CNTNAP2: variants seen among roughly 807,000 people sequenced by gnomAD.
The protein encoded by CNTNAP2 is contactin-associated protein-like 2.
CNTNAP2 carries 98 observed loss-of-function variants against 155.2 expected under a neutral mutation model. The observed-to-expected ratio is 0.63, with a 90% confidence interval of 0.54 to 0.75. The LOEUF is 0.75. Among genes scored for constraint, CNTNAP2 ranks in the 30% least tolerant of loss-of-function variants. CNTNAP2 has a pLI of 0.00. For synonymous variants in CNTNAP2, 651 were observed against 631.2 expected, an observed-to-expected ratio of 1.03 and a Z score of -0.47; for missense variants, 1,727 against 1,688.1, an observed-to-expected ratio of 1.02 and a Z score of -0.40.
intron 1 of CNTNAP2, among the ~76,000 whole-genome samples, chr7:146,583,661 T>A (rs1798645775): frequency 6.6e-6 from 1 of 152,332 alleles, no homozygotes; most frequent in South Asian, 2.1e-4. Context: ...GGTGACAAGA[T>A]TAATATAGGT....
chr7:148,236,163 C>T (rs747057854), intron 20 of CNTNAP2, among the ~76,000 whole-genome samples: 15 of 152,128 alleles, frequency 9.9e-5, no homozygotes, highest in Non-Finnish European at 1.8e-4. Context: ...GGTAAATGCA[C>T]CCTAAGCTCT....
chr7:146,257,391 G>A (rs1047812525), intron 1 of CNTNAP2, among the ~76,000 whole-genome samples: 5 of 152,050 alleles, frequency 3.3e-5, no homozygotes, highest in African/African-American at 7.2e-5. Flanking sequence ...CCCTTTCTGT[G>A]TCAGTAAGGC....
intron 15 of CNTNAP2, among the ~76,000 whole-genome samples, chr7:148,048,089 A>AT (rs1802807717): frequency 7.1e-6 from 1 of 141,364 alleles, no homozygotes; most frequent in African/African-American, 2.7e-5. Context: ...ATGCCCAGCT[A>AT]ATTTTTTTTT....
At chr7:146,153,634 T>A (rs1204603138) in intron 1 of CNTNAP2, among the ~76,000 whole-genome samples, 1 of 152,112 alleles carries the variant, frequency 6.6e-6, no homozygotes, top group Non-Finnish European at 1.5e-5. Context: ...GAGGGCCTAA[T>A]GAAGGAAAGA....
At chr7:147,382,917 G>A (rs895016740) in intron 9 of CNTNAP2, among the ~76,000 whole-genome samples, 2 of 152,158 alleles carry the variant, frequency 1.3e-5, no homozygotes, top group African/African-American at 4.8e-5. Flanking sequence ...AATACTGCCA[G>A]TTTATCTACT....
chr7:147,757,433 C>T (rs1797227049), intron 13 of CNTNAP2, among the ~76,000 whole-genome samples: 1 of 152,056 alleles, frequency 6.6e-6, no homozygotes. Flanking sequence ...GGATGGCTGC[C>T]TTCTCTGTAG....
At chr7:146,391,021 C>A (rs767553202) in intron 1 of CNTNAP2, among the ~76,000 whole-genome samples, 1 of 138,566 alleles carries the variant, frequency 7.2e-6, no homozygotes, top group South Asian at 2.2e-4. Context: ...GAGCCGAGAT[C>A]GCGCCACTGC....
intron 12 of CNTNAP2, among the ~76,000 whole-genome samples, chr7:147,605,603 G>A (rs1279884812): frequency 6.6e-6 from 1 of 152,116 alleles, no homozygotes; most frequent in African/African-American, 2.4e-5. Context: ...CCCTTCTTGT[G>A]ATATAAATCC....
At chr7:147,484,218 G>C (rs1173295949) in intron 10 of CNTNAP2, among the ~76,000 whole-genome samples, 1 of 152,100 alleles carries the variant, frequency 6.6e-6, no homozygotes, top group African/African-American at 2.4e-5. Context: ...AAAAAAGTAA[G>C]TGTCTATTAA....
chr7:148,221,597 A>G (rs949394933), intron 19 of CNTNAP2, among the ~76,000 whole-genome samples: 1 of 152,212 alleles, frequency 6.6e-6, no homozygotes, highest in Non-Finnish European at 1.5e-5. Context: ...GTTAGAAAAA[A>G]AAGGAAATCA....
chr7:147,657,426 G>A (rs1795541997), intron 13 of CNTNAP2, among the ~76,000 whole-genome samples: 1 of 152,124 alleles, frequency 6.6e-6, no homozygotes, highest in South Asian at 2.1e-4. Context: ...AAAGATCTAA[G>A]GTAACATAGA....
At chr7:146,932,818 G>T (rs1348427780) in intron 3 of CNTNAP2, among the ~76,000 whole-genome samples, 6 of 152,022 alleles carry the variant, frequency 3.9e-5, no homozygotes, top group Non-Finnish European at 7.4e-5. Context: ...GCCAAATCAT[G>T]TGTGAACTCC....
chr7:146,248,907 AAG>A (rs1455146916), intron 1 of CNTNAP2, among the ~76,000 whole-genome samples: 1 of 152,182 alleles, frequency 6.6e-6, no homozygotes, highest in Non-Finnish European at 1.5e-5. Flanking sequence ...TGAGTCCGAA[AAG>A]AGAGTCAGTG....
intron 13 of CNTNAP2, among the ~76,000 whole-genome samples, chr7:147,764,132 A>G (rs951830371): frequency 1.3e-4 from 19 of 151,680 alleles, no homozygotes; most frequent in Admixed American, 6.6e-5. Flanking sequence ...CCTGTTTGCT[A>G]TGGGTTATTT....
chr7:147,993,998 C>A (rs953721739), intron 15 of CNTNAP2, among the ~76,000 whole-genome samples: 1 of 152,092 alleles, frequency 6.6e-6, no homozygotes, highest in Non-Finnish European at 1.5e-5. Context: ...GATTTGCCCT[C>A]CTTTCTGGCA....
chr7:146,352,526 T>A (rs1794929655), intron 1 of CNTNAP2, among the ~76,000 whole-genome samples: 1 of 152,096 alleles, frequency 6.6e-6, no homozygotes, highest in Admixed American at 6.5e-5. Flanking sequence ...AGATAAAATA[T>A]ACAACCAGCC....
intron 13 of CNTNAP2, among the ~76,000 whole-genome samples, chr7:147,830,898 GC>G (rs1186498597): frequency 1.9e-4 from 29 of 152,298 alleles, no homozygotes; most frequent in Non-Finnish European, 1.5e-5. Context: ...AGAAGAGATG[GC>G]AAGTGTATCC....
chr7:147,212,838 A>G (rs1416401017), intron 8 of CNTNAP2, among the ~76,000 whole-genome samples: 2 of 152,192 alleles, frequency 1.3e-5, no homozygotes, highest in Non-Finnish European at 2.9e-5. Context: ...CAGTTCTTAA[A>G]TAGAAAAATG....
At chr7:146,682,801 G>T (rs1195334093) in intron 1 of CNTNAP2, among the ~76,000 whole-genome samples, 1 of 152,080 alleles carries the variant, frequency 6.6e-6, no homozygotes, top group Non-Finnish European at 1.5e-5. Context: ...TAATAGATAA[G>T]GAAGAAAAAT....
Sources: gnomAD v4.1 joint callset for allele counts (sites outside exome capture counted in the v4.1 genomes callset) on GRCh38, gnomAD v4.1.1 for gene constraint, MANE v1.5 for transcripts, NCBI Gene and HGNC (gene_info 2026-07-23, HGNC 2026-07-21) for gene names.